Variants in TAOK1 observed in about 807,000 individuals in gnomAD.
The protein encoded by TAOK1 is TAO kinase 1, also known as serine/threonine-protein kinase TAO1.
A neutral mutation model predicts 138.3 loss-of-function variants in TAOK1; 21 were observed. That is an observed-to-expected ratio of 0.15 (90% confidence interval 0.11 to 0.22). TAOK1 has a LOEUF of 0.22. TAOK1 is among the 10% of genes least tolerant of loss of function. TAOK1 has a pLI of 1.00. For synonymous variants in TAOK1, 361 were observed against 398.4 expected (o/e 0.91, Z 1.12); for missense variants, 651 against 1,227.7 (o/e 0.53, Z 7.02).
intron 13 of TAOK1, among the ~76,000 whole-genome samples, chr17:29,503,137 C>T (rs767385029): frequency 2.6e-5 from 4 of 152,132 alleles, no homozygotes; most frequent in African/African-American, 7.2e-5. Flanking sequence ...TGGCTCATGC[C>T]TGTAATCCCA....
At chr17:29,453,767 G>C (rs764384427) in intron 2 of TAOK1, among the ~76,000 whole-genome samples, 1 of 150,562 alleles carries the variant, frequency 6.6e-6, no homozygotes, top group African/African-American at 2.4e-5. Context: ...TTTTATATAT[G>C]GTGTGAGGTA....
At chr17:29,420,649 G>A (rs557569757) in intron 1 of TAOK1, among the ~76,000 whole-genome samples, 192 of 143,810 alleles carry the variant, frequency 1.3e-3, no homozygotes, top group Non-Finnish European at 1.9e-3. Context: ...GCAATGGCAC[G>A]ATCTCGGGTC....
intron 1 of TAOK1, among the ~76,000 whole-genome samples, chr17:29,398,498 G>T (rs1205835646): frequency 6.7e-6 from 1 of 149,034 alleles, no homozygotes; most frequent in Non-Finnish European, 1.5e-5. Context: ...GAACCACTGC[G>T]CCAGGCTTCT....
chr17:29,471,673 G>A lies in TAOK1; in HGVS notation c.205-3997G>A, dbSNP rs148998543. Among the ~76,000 whole-genome samples the A allele has an allele frequency of 2.9e-3, 445 of 152,196 alleles. 6 individuals are homozygous for A. The highest frequency in any genetic ancestry group is 1.0e-2 in the African/African-American group (415 of 41,518). On this transcript the variant is annotated intron_variant, in intron 3 of 19. Transcript: ENST00000261716. ...TTGAGAATCTTGCTTCCATGTTGATGGCTTCTGACTGATCAGGGTAGTGGT... is the reference window on the plus strand; with the variant it reads ...TTGAGAATCTTGCTTCCATGTTGATAGCTTCTGACTGATCAGGGTAGTGGT...
chr17:29,520,052 A>C (rs1361200840), intron 16 of TAOK1, among the ~76,000 whole-genome samples: 2 of 151,792 alleles, frequency 1.3e-5, no homozygotes, highest in African/African-American at 4.8e-5. Flanking sequence ...GTGGTGGTGC[A>C]TGCCTGTAAT....
intron 1 of TAOK1, among the ~76,000 whole-genome samples, chr17:29,439,506 A>C (rs142512591): frequency 3.1e-3 from 466 of 152,098 alleles, no homozygotes; most frequent in Non-Finnish European, 4.1e-3. Flanking sequence ...CCCAGCCGAT[A>C]ATGCCTTTTA....
chr17:29,410,631 T>G (rs1304378508), intron 1 of TAOK1, among the ~76,000 whole-genome samples: 8 of 150,262 alleles, frequency 5.3e-5, no homozygotes, highest in South Asian at 4.2e-4. Flanking sequence ...TTTTTTTTTT[T>G]TTGGTTTTTT....
chr17:29,542,683 T>C lies in TAOK1; in HGVS notation c.2667T>C (p.Asn889=), dbSNP rs757399995. The change falls in exon 20 of 20, where the codon AAT becomes AAC. Residue 889 remains asparagine (N), a synonymous_variant. Coordinates refer to ENST00000261716, the MANE Select transcript of TAOK1 (RefSeq NM_020791.4). ...AAAGCATGAGACTAGGTTTTAGTAA[T>C]ATGGTCCTTTCTAATCTCTCCCCTG... ...DSESMRLGFS[N]MVLSNLSPEA... 1.9e-6 allele frequency: 3 copies of C among 1,614,214 alleles called. No individual in the cohort carries two copies. Among genetic ancestry groups the C allele is most frequent in the East Asian group, 2.2e-5 (1 of 44,882 alleles).
At chr17:29,480,536 A>G (rs2031038720) in intron 7 of TAOK1, 55 bp downstream of exon 7, 2 of 1,440,292 alleles carry the variant, frequency 1.4e-6, no homozygotes, top group African/African-American at 1.4e-5. Flanking sequence ...TATGTTTAAC[A>G]TGAAATACAA....
At chr17:29,394,150 G>GTTTTGTTTTT (rs1904514488) in intron 1 of TAOK1, among the ~76,000 whole-genome samples, 18 of 48,248 alleles carry the variant, frequency 3.7e-4, no homozygotes, top group Admixed American at 7.8e-4. Context: ...TAATTTGCCA[G>GTTTTGTTTTT]TTTTTTTTTT....
chr17:29,501,712 T>G (rs1012562846), intron 12 of TAOK1, among the ~76,000 whole-genome samples: 2 of 151,680 alleles, frequency 1.3e-5, no homozygotes, highest in Admixed American at 6.6e-5. Flanking sequence ...TGTTAAAGCT[T>G]TTCAATTTTG....
intron 8 of TAOK1, among the ~76,000 whole-genome samples, chr17:29,485,820 A>G (rs1834984849): frequency 6.6e-6 from 1 of 152,194 alleles, no homozygotes; most frequent in Non-Finnish European, 1.5e-5. Flanking sequence ...TTATCACTGG[A>G]CATTGTTTCT....
intron 13 of TAOK1, among the ~76,000 whole-genome samples, chr17:29,507,484 G>C (rs1004873767): frequency 1.3e-5 from 2 of 151,988 alleles, no homozygotes; most frequent in African/African-American, 4.8e-5. Flanking sequence ...AGAACCACTT[G>C]TTTCAGCAGG....
In TAOK1 at chr17:29,545,848, C is replaced by CT. The variant is rs2032394743; in HGVS notation, c.*2829dup. On this transcript the variant is annotated 3_prime_UTR_variant, in exon 20 of 20. Transcript: ENST00000261716. ...GTGTTGGTGTTCACTCACTATATGT[C>CT]TTTAAGAAAATTAAAACTATGGAAA... 1 of 152,070 alleles carries CT rather than the reference C, an allele frequency of 6.6e-6. No homozygotes were observed. Among genetic ancestry groups the CT allele is most frequent in the African/African-American group, 2.4e-5 (1 of 41,416 alleles). 9.4% of individuals were successfully genotyped at this position (152,070 alleles called of 1,614,324 possible). A position where few individuals can be genotyped will look rare whatever the true frequency, so the allele number is the denominator to read the frequency against.
At chr17:29,458,219 A>G (rs1476736724) in intron 2 of TAOK1, among the ~76,000 whole-genome samples, 3 of 152,202 alleles carry the variant, frequency 2.0e-5, no homozygotes, top group African/African-American at 7.2e-5. Flanking sequence ...GCTATTATGA[A>G]TAAAGTTGCT....
Position 29,522,046 on chromosome 17 carries a change from C to G in TAOK1, c.1909-234C>G, listed in dbSNP as rs771638448. Among the ~76,000 whole-genome samples the G allele has an allele frequency of 3.6e-4, 54 of 152,078 alleles. 2 individuals are homozygous for G. ...TTAAACCTCTTGATATAGATTTAGT[C>G]TTAAGCTAATGGTAATAAAATAATA... is the stretch of plus-strand genomic sequence containing the variant. On this transcript the variant is annotated intron_variant, in intron 16 of 19. Coordinates refer to ENST00000261716, the MANE Select transcript of TAOK1 (RefSeq NM_020791.4).
intron 17 of TAOK1, among the ~76,000 whole-genome samples, chr17:29,523,930 A>G (rs987611225): frequency 6.6e-6 from 1 of 152,180 alleles, no homozygotes; most frequent in African/African-American, 2.4e-5. Flanking sequence ...GTACAATGAA[A>G]TTCATTCACA....
In TAOK1 at chr17:29,489,851, A is replaced by G. The variant is rs183698908; in HGVS notation, c.749+94A>G. ...AAAGTGATTTAATTTCAGTTAGGTA[A>G]AATGTATCACCTTATAAGATATTAA... On this transcript the variant is annotated intron_variant, in intron 9 of 19. Coordinates refer to ENST00000261716, the MANE Select transcript of TAOK1 (RefSeq NM_020791.4). The G allele has an allele frequency of 3.1e-4, 251 of 809,886 alleles. No individual in the cohort carries two copies. In the East Asian group the frequency reaches 6.5e-3, roughly 21 times the overall value. 50.2% of individuals were successfully genotyped at this position (809,886 alleles called of 1,614,324 possible).
rs1273832505 is a variant in TAOK1, at chr17:29,539,207, G to GGT, written c.2545-3354_2545-3353insGT. On this transcript the variant is annotated intron_variant, in intron 19 of 19. Coordinates refer to ENST00000261716, the MANE Select transcript of TAOK1 (RefSeq NM_020791.4). Reference sequence around the variant, plus strand: ...GAACCTGAGAGGTAGAGGTTGCAGTGAGCCAAGATTGCACCACTGCACTCC... The same window carrying GGT: ...GAACCTGAGAGGTAGAGGTTGCAGTGGTAGCCAAGATTGCACCACTGCACTCC... 8.5e-5 allele frequency among the ~76,000 whole-genome samples: 13 copies of GGT among 152,180 alleles called. No homozygotes were observed. In the South Asian group the frequency reaches 2.7e-3, roughly 31 times the overall value.
Sources: gnomAD v4.1 joint callset for allele counts (sites outside exome capture counted in the v4.1 genomes callset) on GRCh38, gnomAD v4.1.1 for gene constraint, MANE v1.5 for transcripts, NCBI Gene and HGNC (gene_info 2026-07-23, HGNC 2026-07-21) for gene names.